Variants in GBE1 observed in about 807,000 individuals in gnomAD.
GBE1 encodes 1,4-alpha-glucan branching enzyme 1, also known as 1,4-alpha-glucan-branching enzyme.
Under a neutral mutation model 88.8 loss-of-function variants are expected in GBE1, and 70 were observed. The observed-to-expected ratio is 0.79, with a 90% CI of 0.65 to 0.96. The LOEUF is 0.96. Among genes scored for constraint, GBE1 ranks in the 40% least tolerant of loss-of-function variants. The pLI is 0.00. For missense variants in GBE1, 872 were observed against 871.0 expected (o/e 1.00, Z -0.01); for synonymous variants, 284 against 300.1 (o/e 0.95, Z 0.56).
intron 1 of GBE1, among the ~76,000 whole-genome samples, chr3:81,754,244 T>C (rs1204876953): frequency 2.0e-5 from 3 of 151,772 alleles, no homozygotes; most frequent in African/African-American, 7.3e-5. Context: ...TAGGAATCAA[T>C]ATAACCAAAG....
intron 14 of GBE1, among the ~76,000 whole-genome samples, chr3:81,526,502 T>G (rs1285018137): frequency 6.6e-6 from 1 of 152,128 alleles, no homozygotes; most frequent in Non-Finnish European, 1.5e-5. Context: ...CTCCTGAAGC[T>G]GATAAGCAAC....
chr3:81,512,204 G>A (rs1702734844), intron 14 of GBE1, among the ~76,000 whole-genome samples: 1 of 151,798 alleles, frequency 6.6e-6, no homozygotes, highest in South Asian at 2.1e-4. Context: ...AGCCGGGAGA[G>A]TGGGATGGAG....
chr3:81,723,265 T>A (rs982542420), intron 1 of GBE1, among the ~76,000 whole-genome samples: 1 of 151,568 alleles, frequency 6.6e-6, no homozygotes, highest in Middle Eastern at 3.4e-3. Context: ...TGTTTTGTTT[T>A]TTTTTTTTTG....
At chr3:81,493,386 T>G (rs941635703) in intron 15 of GBE1, among the ~76,000 whole-genome samples, 1 of 152,158 alleles carries the variant, frequency 6.6e-6, no homozygotes, top group South Asian at 2.1e-4. Flanking sequence ...TTGGATCCTA[T>G]GCAATTGTGA....
intron 12 of GBE1, among the ~76,000 whole-genome samples, chr3:81,550,992 C>T (rs1300940186): frequency 6.6e-6 from 1 of 152,148 alleles, no homozygotes; most frequent in Non-Finnish European, 1.5e-5. Flanking sequence ...AGAACCCTCT[C>T]TTGGGGTCTG....
intron 12 of GBE1, among the ~76,000 whole-genome samples, chr3:81,550,863 C>T (rs966646964): frequency 2.0e-5 from 3 of 152,192 alleles, no homozygotes; most frequent in Non-Finnish European, 4.4e-5. Context: ...GAACAACCAG[C>T]AGCCCTTGGG....
At chr3:81,507,997 A>C (rs192519503) in intron 14 of GBE1, among the ~76,000 whole-genome samples, 2 of 152,318 alleles carry the variant, frequency 1.3e-5, no homozygotes, top group Admixed American at 1.3e-4. Flanking sequence ...AATAGCAATA[A>C]GACAAGCTCA....
intron 12 of GBE1, among the ~76,000 whole-genome samples, chr3:81,549,172 G>C (rs1703243511): frequency 6.6e-6 from 1 of 150,500 alleles, no homozygotes; most frequent in Admixed American, 6.6e-5. Context: ...TGGGATTACA[G>C]GTGTCCACCA....
At position 81,557,421 on chromosome 3, in the gene GBE1, T is replaced by A. The variant is rs190353395; in HGVS notation, c.1619-20326A>T. 6.5e-3 allele frequency among the ~76,000 whole-genome samples: 981 copies of A among 151,544 alleles called. 13 individuals are homozygous for A. Among genetic ancestry groups the A allele is most frequent in the Non-Finnish European group, 7.1e-3 (482 of 67,856 alleles). Reference sequence around the variant, plus strand: ...GGAACAACTAAAATGACTCCCAGATTTCAATGGTTAATTACCAGAATAATG... The same window carrying A: ...GGAACAACTAAAATGACTCCCAGATATCAATGGTTAATTACCAGAATAATG... On this transcript the variant is annotated intron_variant, in intron 12 of 15. Transcript: ENST00000429644.
intron 6 of GBE1, among the ~76,000 whole-genome samples, chr3:81,645,133 A>G (rs761209232): frequency 1.1e-4 from 16 of 152,190 alleles, no homozygotes; most frequent in Non-Finnish European, 2.4e-4. Flanking sequence ...TAAGTTTGGG[A>G]GTTAACATAT....
chr3:81,557,643 A>C (rs1371395914), intron 12 of GBE1, among the ~76,000 whole-genome samples: 2 of 152,088 alleles, frequency 1.3e-5, no homozygotes, highest in Non-Finnish European at 2.9e-5. Flanking sequence ...CAGCTTCAAA[A>C]TTTATGTTTG....
At chr3:81,681,545 C>T (rs1705342398) in intron 2 of GBE1, among the ~76,000 whole-genome samples, 1 of 152,146 alleles carries the variant, frequency 6.6e-6, no homozygotes, top group South Asian at 2.1e-4. Flanking sequence ...CCTCCTAACC[C>T]TATAGCCACT....
intron 7 of GBE1, among the ~76,000 whole-genome samples, chr3:81,621,490 C>T (rs1704332892): frequency 6.6e-6 from 1 of 152,150 alleles, no homozygotes; most frequent in Admixed American, 6.5e-5. Flanking sequence ...AGGGAAGTCA[C>T]AGCATGCTTT....
Position 81,578,044 on chromosome 3 carries a change from T to C in GBE1, c.1499A>G (p.Tyr500Cys). The change falls in exon 12 of 16, where the codon TAT (tyrosine) becomes TGT (cysteine). Residue 500 changes from tyrosine (Y) to cysteine (C), a missense_variant. Transcript: ENST00000429644. ...AGGAGTCAGGACACTCATGTTTGTA[T>C]ACATTTCGGCATCCATCAACCAAAA... Reference protein sequence around the residue: ...LAFWLMDAEMYTNMSVLTPFT... With the variant: ...LAFWLMDAEMCTNMSVLTPFT... 2 of 1,609,988 alleles carry C rather than the reference T, an allele frequency of 1.2e-6. No individual in the cohort carries two copies. The highest frequency in any genetic ancestry group is 1.7e-6 in the Non-Finnish European group (2 of 1,178,100).
rs771192115 is a variant in GBE1, at chr3:81,698,066, G to GTATA, written c.313+7374_313+7377dup. 4.2e-4 allele frequency among the ~76,000 whole-genome samples: 60 copies of GTATA among 144,242 alleles called. 1 individual carries two copies. Among genetic ancestry groups the GTATA allele is most frequent in the Middle Eastern group, 7.2e-3 (2 of 276 alleles). The allele number at this position is 144,242 out of a possible 152,430, so 94.6% of individuals were successfully genotyped here. On this transcript the variant is annotated intron_variant, in intron 2 of 15. Transcript: ENST00000429644. ...ATATTAGTTTTATATATATATATGT[G>GTATA]TATATATATATATATATCTTACAAC...
intron 14 of GBE1, among the ~76,000 whole-genome samples, chr3:81,514,884 T>A (rs1164400670): frequency 6.6e-6 from 1 of 151,554 alleles, no homozygotes; most frequent in Non-Finnish European, 1.5e-5. Flanking sequence ...TAATTTCTAC[T>A]GGCCAGAAGG....
chr3:81,663,416 T>C (rs1354420808), intron 3 of GBE1, among the ~76,000 whole-genome samples: 10 of 152,034 alleles, frequency 6.6e-5, no homozygotes, highest in Non-Finnish European at 1.5e-4. Flanking sequence ...GGCCATATAC[T>C]GGTGGGACAA....
intron 14 of GBE1, among the ~76,000 whole-genome samples, chr3:81,513,061 C>T: frequency 6.6e-6 from 1 of 151,594 alleles, no homozygotes; most frequent in African/African-American, 2.4e-5. Context: ...AGTCATTAAA[C>T]ATCACAAAAT....
chr3:81,743,945 T>C (rs1364682215), intron 1 of GBE1, among the ~76,000 whole-genome samples: 1 of 152,106 alleles, frequency 6.6e-6, no homozygotes, highest in East Asian at 1.9e-4. Flanking sequence ...TTATTTATCT[T>C]CAAATATAAA....
Sources: allele counts gnomAD v4.1 joint callset (sites outside exome capture counted in the v4.1 genomes callset), GRCh38; gene constraint gnomAD v4.1.1; transcripts MANE v1.5; gene names NCBI Gene and HGNC (gene_info 2026-07-23, HGNC 2026-07-21).